The following STRN variants were observed in gnomAD, a reference collection of about 807,000 sequenced individuals.
STRN encodes striatin.
A neutral mutation model predicts 96.3 loss-of-function variants in STRN; 53 were observed. The ratio of observed to expected loss-of-function variants is 0.55; its 90% confidence interval spans 0.44 to 0.69. The LOEUF is 0.69. Ranked by LOEUF, STRN falls within the 30% of genes least tolerant of loss-of-function variation. STRN has a pLI of 0.00. For synonymous variants in STRN, 428 were observed against 355.9 expected (o/e 1.20, Z -2.28); for missense variants, 987 against 963.9 (o/e 1.02, Z -0.32).
rs1670646932 is a variant in STRN at position 36,934,239 on chromosome 2, C to T, written c.235-9031G>A. On this transcript the variant is annotated intron_variant, in intron 1 of 17. Coordinates refer to ENST00000263918, the MANE Select transcript of STRN (RefSeq NM_003162.4). ...AAAGAACAGAAATGTTCTATATCTCCCCCATCAAAAATCAGTGAACTAATT... is the reference window on the plus strand; with the variant it reads ...AAAGAACAGAAATGTTCTATATCTCTCCCATCAAAAATCAGTGAACTAATT... Among the ~76,000 whole-genome samples, 6 of 152,134 alleles carry T rather than the reference C, an allele frequency of 3.9e-5. No homozygotes were observed. In the South Asian group the frequency reaches 1.2e-3, roughly 31 times the overall value.
intron 2 of STRN, among the ~76,000 whole-genome samples, chr2:36,918,561 CAG>C (rs1383442441): frequency 6.6e-6 from 1 of 151,734 alleles, no homozygotes; most frequent in Non-Finnish European, 1.5e-5. Flanking sequence ...AAAAAGGGAA[CAG>C]AAAATATTTT....
Position 36,855,285 on chromosome 2 carries a change from G to A in STRN, c.1905C>T (p.Ser635=). The A allele has an allele frequency of 6.2e-7, 1 of 1,613,886 alleles. No individual in the cohort carries two copies. Among genetic ancestry groups the A allele is most frequent in the South Asian group, 1.1e-5 (1 of 91,068 alleles). The stretch of plus-strand genomic sequence containing the variant: ...TGTTAAAAATGCTTGTATATCCCTT[G>A]CTGAATGATGCTACCATATGGCTCG... ...SDPSHMVASF[S]KGYTSIFNME... The change falls in exon 15 of 18, where the codon AGC becomes AGT. Residue 635 remains serine (S), a synonymous_variant. Coordinates refer to ENST00000263918, the MANE Select transcript of STRN (RefSeq NM_003162.4).
rs1426363243 is a variant in STRN, at chr2:36,851,075, T to C, written c.2011A>G (p.Ile671Val). The C allele has an allele frequency of 6.2e-7, 1 of 1,613,846 alleles. No individual in the cohort carries two copies. The highest frequency in any genetic ancestry group is 1.1e-5 in the South Asian group (1 of 91,038). ...CTGATCGGAAGAGTAGGATGACTGA[T>C]GACTCTATTTATTTGGCAGGAAGAG... The part of the protein sequence containing the change: ...ANSSCQINRV[I>V]SHPTLPISIT... The change falls in exon 16 of 18, where the codon ATC becomes GTC. Residue 671 changes from isoleucine to valine, a missense_variant. Coordinates refer to ENST00000263918, the MANE Select transcript of STRN (RefSeq NM_003162.4).
At chr2:36,964,009 A>AT (rs375737973) in intron 1 of STRN, among the ~76,000 whole-genome samples, 2 of 151,938 alleles carry the variant, frequency 1.3e-5, no homozygotes, top group African/African-American at 4.8e-5. Context: ...AAAAAAAAAA[A>AT]GGAGTCTCTT....
chr2:36,889,905 C>T (rs958554006), intron 7 of STRN, among the ~76,000 whole-genome samples: 1 of 152,134 alleles, frequency 6.6e-6, no homozygotes. Context: ...GCATGTGACT[C>T]ATATAATAGG....
chr2:36,857,163 G>A lies in STRN; in HGVS notation c.1837+693C>T, dbSNP rs114146049. Among the ~76,000 whole-genome samples, 1,101 of 150,628 alleles carry A rather than the reference G, an allele frequency of 7.3e-3. 13 individuals are homozygous for A. The highest frequency in any genetic ancestry group is 0.026 in the African/African-American group (1,050 of 40,990). ...GCTGGTCCCAAATTCCTGGCCTCTC[G>A]TGATCCTCCTGCCTCAGCCTCCCAA... is the stretch of plus-strand genomic sequence containing the variant. On this transcript the variant is annotated intron_variant, in intron 14 of 17. Transcript: ENST00000263918.
intron 9 of STRN, among the ~76,000 whole-genome samples, chr2:36,882,618 A>G (rs1448026576): frequency 2.6e-5 from 4 of 152,186 alleles, no homozygotes; most frequent in Non-Finnish European, 4.4e-5. Flanking sequence ...AGCATAAAAA[A>G]GTTATCTGGG....
intron 1 of STRN, among the ~76,000 whole-genome samples, chr2:36,933,775 T>C (rs1670633236): frequency 6.6e-6 from 1 of 152,122 alleles, no homozygotes; most frequent in African/African-American, 2.4e-5. Context: ...CAGCCAAGCA[T>C]TTGTATTAAA....
intron 12 of STRN, among the ~76,000 whole-genome samples, chr2:36,864,363 A>C (rs1668567846): frequency 6.6e-6 from 1 of 152,172 alleles, no homozygotes; most frequent in Non-Finnish European, 1.5e-5. Context: ...TTTTAAAATG[A>C]AGTGATGCTG....
chr2:36,847,221 T>C lies in STRN; in HGVS notation c.*2235A>G, dbSNP rs1445541458. 6.6e-6 allele frequency: 1 copy of C among 152,086 alleles called. No individual in the cohort carries two copies. The highest frequency in any genetic ancestry group is 1.5e-5 in the Non-Finnish European group (1 of 68,006). The allele number at this position is 152,086 out of a possible 1,614,324, so 9.4% of individuals were successfully genotyped here. A position where few individuals can be genotyped will look rare whatever the true frequency, so the allele number is the denominator to read the frequency against. ...TATTTTCCACTCACTGACAGAAAAA[T>C]TTCAACCATGAAGCATAAAATGAAC... On this transcript the variant is annotated 3_prime_UTR_variant, in exon 18 of 18. Transcript: ENST00000263918.
chr2:36,896,832 T>C (rs1669552514), intron 6 of STRN, among the ~76,000 whole-genome samples: 1 of 152,172 alleles, frequency 6.6e-6, no homozygotes, highest in Admixed American at 6.5e-5. Context: ...GAGTTGTTAT[T>C]ACACTTAACT....
At chr2:36,946,479 T>G (rs1022137102) in intron 1 of STRN, among the ~76,000 whole-genome samples, 4 of 152,248 alleles carry the variant, frequency 2.6e-5, no homozygotes, top group Non-Finnish European at 5.9e-5. Flanking sequence ...CTTAAGGAAT[T>G]AAGAAAAATC....
intron 14 of STRN, among the ~76,000 whole-genome samples, chr2:36,856,301 G>A (rs578193486): frequency 3.7e-4 from 56 of 152,190 alleles, no homozygotes; most frequent in African/African-American, 1.3e-3. Context: ...CCACCTGAAA[G>A]CCCAGCAATT....
At chr2:36,903,774 C>T (rs567417846) in intron 4 of STRN, among the ~76,000 whole-genome samples, 13 of 152,286 alleles carry the variant, frequency 8.5e-5, no homozygotes, top group African/African-American at 3.1e-4. Context: ...TTTTCAATCC[C>T]ATCCAATATT....
intron 3 of STRN, among the ~76,000 whole-genome samples, chr2:36,914,937 C>T (rs1166589025): frequency 1.3e-5 from 2 of 152,020 alleles, no homozygotes; most frequent in Non-Finnish European, 2.9e-5. Flanking sequence ...TGGCTCACGC[C>T]TGTAATCCCA....
chr2:36,876,135 T>C (rs1387604014), intron 10 of STRN, among the ~76,000 whole-genome samples: 1 of 151,712 alleles, frequency 6.6e-6, no homozygotes, highest in African/African-American at 2.4e-5. Flanking sequence ...CTGGGTGTGA[T>C]GGTGCGTGCC....
intron 1 of STRN, among the ~76,000 whole-genome samples, chr2:36,937,082 G>A (rs923214290): frequency 6.6e-6 from 1 of 152,190 alleles, no homozygotes; most frequent in Admixed American, 6.5e-5. Flanking sequence ...GGTGGCTCAT[G>A]CTTGTAATCC....
In STRN at chr2:36,849,893, CCT is replaced by C. The variant is rs1335425745; in HGVS notation, c.2087-95_2087-94del. On this transcript the variant is annotated intron_variant, in intron 16 of 17. Transcript: ENST00000263918. ...TGTCCTGCTGGTTTCTCCAGTCATC[CCT>C]CTCTGTGTGCTTACTGTATTAATAG... 12 of 1,211,150 alleles carry C rather than the reference CCT, an allele frequency of 9.9e-6. No homozygotes were observed. In the East Asian group the frequency reaches 1.9e-4, roughly 19 times the overall value. The allele number at this position is 1,211,150 out of a possible 1,614,324, so 75.0% of individuals were successfully genotyped here.
intron 3 of STRN, among the ~76,000 whole-genome samples, chr2:36,912,841 T>C (rs1669997980): frequency 1.3e-5 from 2 of 152,210 alleles, no homozygotes; most frequent in Non-Finnish European, 2.9e-5. Flanking sequence ...CCAAATCTAC[T>C]TCTGGTCTAG....
Sources: gnomAD v4.1 joint callset for allele counts (sites outside exome capture counted in the v4.1 genomes callset) on GRCh38, gnomAD v4.1.1 for gene constraint, MANE v1.5 for transcripts, NCBI Gene and HGNC (gene_info 2026-07-23, HGNC 2026-07-21) for gene names.